The following PLA1A variants were observed in gnomAD, a reference collection of about 807,000 sequenced individuals.
PLA1A encodes the protein phosphatidylserine-specific phospholipase A1alpha.
Under a neutral mutation model 49.4 loss-of-function variants are expected in PLA1A, and 47 were observed. That is an observed-to-expected ratio of 0.95 (90% CI 0.75 to 1.21). The LOEUF is 1.21. Ranked by LOEUF, PLA1A falls within the 50% of genes most tolerant of loss-of-function variation. The probability of loss-of-function intolerance (pLI) is 0.00; values close to 1 mark genes in which losing one functional copy is unlikely to be tolerated. For synonymous variants in PLA1A, 224 were observed against 207.9 expected (o/e 1.08, Z -0.67); for missense variants, 561 against 563.9 (o/e 0.99, Z 0.05).
At position 119,625,114 on chromosome 3, in the gene PLA1A, G is replaced by T; in HGVS notation, c.1013-10G>T. 1 of 1,580,194 alleles carries T rather than the reference G, an allele frequency of 6.3e-7. No individual in the cohort carries two copies. The highest frequency in any genetic ancestry group is 8.7e-7 in the Non-Finnish European group (1 of 1,149,262). ...CTCTGGCCAGTCTCTGTTGTGCTTTGGTTTCCTAGTGCATCACAGCCTCGT... is the reference window on the plus strand; with the variant it reads ...CTCTGGCCAGTCTCTGTTGTGCTTTTGTTTCCTAGTGCATCACAGCCTCGT... On this transcript the variant is annotated splice_polypyrimidine_tract_variant and intron_variant, in intron 8 of 10. Transcript: ENST00000273371.
intron 1 of PLA1A, among the ~76,000 whole-genome samples, chr3:119,599,675 G>T (rs935092115): frequency 2.0e-5 from 3 of 152,146 alleles, no homozygotes; most frequent in Non-Finnish European, 4.4e-5. Context: ...ACATATGTGG[G>T]AATCATTCTA....
At chr3:119,613,389 C>G (rs529045340) in intron 5 of PLA1A, among the ~76,000 whole-genome samples, 1 of 152,374 alleles carries the variant, frequency 6.6e-6, no homozygotes, top group Admixed American at 6.5e-5. Flanking sequence ...CTTTCTGATT[C>G]AAATGAATGC....
chr3:119,628,626 C>CA, intron 9 of PLA1A, 75 bp from the exon 10 acceptor site: 1 of 1,395,706 alleles, frequency 7.2e-7, no homozygotes. Context: ...CCAGCAGAGC[C>CA]CGATCGGAGC....
chr3:119,608,872 A>G lies in PLA1A; in HGVS notation c.378A>G (p.Thr126=). 2 of 1,613,948 alleles carry G rather than the reference A, an allele frequency of 1.2e-6. No homozygotes were observed. The highest frequency in any genetic ancestry group is 1.7e-6 in the Non-Finnish European group (2 of 1,179,758). The part of the protein sequence containing the change: ...VIAVDWIYGS[T]GVYFSAVKNV... The stretch of plus-strand genomic sequence containing the variant: ...CCGTGGACTGGATTTATGGGTCTAC[A>G]GGAGTCTACTTCTCAGCTGTGAAAA... Residue 126 remains threonine (T), a synonymous_variant, in exon 3 of 11, where the codon ACA becomes ACG. Transcript: ENST00000273371.
intron 3 of PLA1A, among the ~76,000 whole-genome samples, chr3:119,609,218 G>A (rs1342522531): frequency 1.3e-5 from 2 of 152,186 alleles, no homozygotes; most frequent in Non-Finnish European, 2.9e-5. Context: ...TCCCTCAAGA[G>A]AGAATGGCCA....
At chr3:119,629,016 C>T (rs2052587146) in intron 10 of PLA1A, 151 bp downstream of exon 10, 4 of 700,940 alleles carry the variant, frequency 5.7e-6, no homozygotes, top group Non-Finnish European at 9.8e-6. Context: ...TTTCCAGAAC[C>T]TCCTGTGGGA....
intron 8 of PLA1A, among the ~76,000 whole-genome samples, chr3:119,620,400 T>C (rs1230646736): frequency 6.6e-6 from 1 of 152,168 alleles, no homozygotes; most frequent in African/African-American, 2.4e-5. Flanking sequence ...CAGGGATCTT[T>C]GTGAAAATAT....
chr3:119,621,040 C>G (rs1030172894), intron 8 of PLA1A, among the ~76,000 whole-genome samples: 1 of 152,212 alleles, frequency 6.6e-6, no homozygotes, highest in African/African-American at 2.4e-5. Context: ...AGCGCCACCC[C>G]ATCTGAGTTG....
chr3:119,598,144 A>T (rs558939339), intron 1 of PLA1A, among the ~76,000 whole-genome samples, 158 bp downstream of exon 1: 2 of 152,200 alleles, frequency 1.3e-5, no homozygotes, highest in Non-Finnish European at 2.9e-5. Context: ...CCCTTTTATC[A>T]TAATCGGAAT....
chr3:119,629,498 A>ATTTTTTTTTT lies in PLA1A; in HGVS notation c.*37_*46dup. The ATTTTTTTTTT allele has an allele frequency of 1.1e-6, 1 of 876,092 alleles. No homozygotes were observed. Among genetic ancestry groups the ATTTTTTTTTT allele is most frequent in the Non-Finnish European group, 1.8e-6 (1 of 566,662 alleles). The allele number at this position is 876,092 out of a possible 1,614,324, so 54.3% of individuals were successfully genotyped here. ...ACCTGGGCAGGACACATCTCCCTGC[A>ATTTTTTTTTT]TTTTTTTTTTTTTTTTGAGAGAGAG... On this transcript the variant is annotated 3_prime_UTR_variant, in exon 11 of 11. Transcript: ENST00000273371.
At chr3:119,605,720 A>G (rs1577137898) in intron 1 of PLA1A, among the ~76,000 whole-genome samples, 2 of 152,164 alleles carry the variant, frequency 1.3e-5, no homozygotes, top group East Asian at 3.9e-4. Context: ...AGAAGTGGGG[A>G]TCGGGGTGTG....
chr3:119,627,149 G>A (rs1287364860), intron 9 of PLA1A, among the ~76,000 whole-genome samples: 2 of 152,108 alleles, frequency 1.3e-5, no homozygotes, highest in Non-Finnish European at 1.5e-5. Context: ...ACAGATTAGC[G>A]CTTCCTCCTC....
intron 4 of PLA1A, among the ~76,000 whole-genome samples, chr3:119,611,995 A>T (rs1043537496): frequency 4.6e-5 from 7 of 152,178 alleles, no homozygotes; most frequent in Non-Finnish European, 1.0e-4. Context: ...TACATGTAAA[A>T]GTGTGGAGGA....
intron 2 of PLA1A, among the ~76,000 whole-genome samples, chr3:119,608,298 A>AAGAAAG (rs1560078969): frequency 6.7e-6 from 1 of 148,682 alleles, no homozygotes; most frequent in Non-Finnish European, 1.5e-5. Context: ...GAAAGAAAGA[A>AAGAAAG]AAAGAAAATG....
At chr3:119,603,967 T>C (rs2082650823) in intron 1 of PLA1A, among the ~76,000 whole-genome samples, 1 of 152,232 alleles carries the variant, frequency 6.6e-6, no homozygotes, top group Non-Finnish European at 1.5e-5. Context: ...TAGAGCTTCC[T>C]CAGTCTAATG....
At chr3:119,622,307 A>T (rs1443666319) in intron 8 of PLA1A, among the ~76,000 whole-genome samples, 1 of 152,204 alleles carries the variant, frequency 6.6e-6, no homozygotes, top group Non-Finnish European at 1.5e-5. Context: ...CCTGAGAATT[A>T]AATTCCTAAA....
At chr3:119,627,824 C>T (rs185691839) in intron 9 of PLA1A, among the ~76,000 whole-genome samples, 169 of 151,556 alleles carry the variant, frequency 1.1e-3, no homozygotes, top group African/African-American at 4.0e-3. Context: ...CTGTGCCTTG[C>T]ACTCAGCGTG....
chr3:119,620,947 A>G (rs9834422), intron 8 of PLA1A, among the ~76,000 whole-genome samples: 74,718 of 152,042 alleles, frequency 0.49, 19,071 homozygotes, highest in East Asian at 0.89. Flanking sequence ...TGTAAACTCT[A>G]TACTCCTTCC....
At chr3:119,625,312 G>A (rs1195972331) in intron 9 of PLA1A, 80 bp downstream of exon 9, 1 of 890,036 alleles carries the variant, frequency 1.1e-6, no homozygotes, top group Non-Finnish European at 1.8e-6. Context: ...GACATCCCAG[G>A]TCAGGGACTG....
Sources: allele counts gnomAD v4.1 joint callset (sites outside exome capture counted in the v4.1 genomes callset), GRCh38; gene constraint gnomAD v4.1.1; transcripts MANE v1.5; gene names NCBI Gene and HGNC (gene_info 2026-07-23, HGNC 2026-07-21).